The following DACH2 variants were observed in gnomAD, a reference collection of about 807,000 sequenced individuals.
DACH2 encodes the protein dachshund family transcription factor 2.
A neutral mutation model predicts 35.8 loss-of-function variants in DACH2; 17 were observed. The observed-to-expected ratio is 0.48, with a 90% CI of 0.33 to 0.71. The LOEUF (loss-of-function observed/expected upper bound fraction) is 0.71, where lower values mean the gene tolerates loss of function less well. DACH2 is among the 30% of genes least tolerant of loss of function. DACH2 has a pLI of 0.02. For synonymous variants in DACH2, 195 were observed against 177.3 expected (o/e 1.10, Z -0.79); for missense variants, 469 against 472.7 (o/e 0.99, Z 0.07).
chrX:86,160,700 T>C (rs150042923), intron 1 of DACH2: 25 of 482,014 alleles, frequency 5.2e-5, no homozygotes, highest in African/African-American at 4.3e-4. Flanking sequence ...GAAGCCCTCA[T>C]TGTTCCCAGG....
intron 2 of DACH2, among the ~76,000 whole-genome samples, chrX:86,399,189 G>T (rs1308100446): frequency 1.8e-5 from 2 of 111,654 alleles, no homozygotes; most frequent in Non-Finnish European, 3.8e-5. Flanking sequence ...TTTTATCAGA[G>T]ACTAGGATTG....
At chrX:86,191,824 C>A (rs1421809053) in intron 1 of DACH2, among the ~76,000 whole-genome samples, 1 of 110,007 alleles carries the variant, frequency 9.1e-6, no homozygotes, top group Non-Finnish European at 1.9e-5. Context: ...ACCTGTAATC[C>A]CAGCCACTTG....
chrX:86,622,998 A>G (rs1311397592), intron 3 of DACH2, among the ~76,000 whole-genome samples: 2 of 111,800 alleles, frequency 1.8e-5, no homozygotes, highest in Non-Finnish European at 3.8e-5. Flanking sequence ...TCTTTATATC[A>G]CCTTTACTAA....
chrX:86,658,803 G>A (rs2040572709), intron 4 of DACH2, among the ~76,000 whole-genome samples: 1 of 111,307 alleles, frequency 9.0e-6, no homozygotes, highest in Admixed American at 9.6e-5. Context: ...CCATTTACTT[G>A]TAGAAATAAA....
chrX:86,366,198 A>G (rs1354166815), intron 1 of DACH2, among the ~76,000 whole-genome samples: 1 of 110,971 alleles, frequency 9.0e-6, no homozygotes, highest in East Asian at 2.9e-4. Context: ...TTGGCATTTT[A>G]AATGATGAAA....
chrX:86,801,957 A>G (rs2147337713), intron 7 of DACH2, among the ~76,000 whole-genome samples: 1 of 111,965 alleles, frequency 8.9e-6, no homozygotes, highest in Non-Finnish European at 1.9e-5. Flanking sequence ...CACAACCTCT[A>G]TATCTAGAAA....
intron 1 of DACH2, 128 bp downstream of exon 1, chrX:86,149,236 G>A: frequency 1.2e-6 from 1 of 825,028 alleles, no homozygotes; most frequent in Non-Finnish European, 1.6e-6. Context: ...TCTTCACGCT[G>A]TAAATCGGTG....
At chrX:86,333,115 G>A (rs912761544) in intron 1 of DACH2, among the ~76,000 whole-genome samples, 1 of 111,782 alleles carries the variant, frequency 8.9e-6, no homozygotes, top group Non-Finnish European at 1.9e-5. Flanking sequence ...ACGACTGTAT[G>A]ATTTAATGCT....
intron 2 of DACH2, among the ~76,000 whole-genome samples, chrX:86,431,599 A>G (rs964639066): frequency 8.9e-6 from 1 of 111,835 alleles, no homozygotes; most frequent in Admixed American, 9.6e-5. Context: ...TGGCATACAT[A>G]GAATGACTCA....
At chrX:86,194,009 T>C (rs2031906323) in intron 1 of DACH2, among the ~76,000 whole-genome samples, 1 of 110,703 alleles carries the variant, frequency 9.0e-6, no homozygotes, top group Admixed American at 9.8e-5. Context: ...CACATCATGT[T>C]GATATGATCT....
intron 1 of DACH2, among the ~76,000 whole-genome samples, chrX:86,202,604 T>C (rs1308591247): frequency 9.3e-6 from 1 of 107,572 alleles, no homozygotes; most frequent in East Asian, 2.8e-4. Flanking sequence ...CCCAGAGAAG[T>C]TGGCTACGCT....
intron 1 of DACH2, among the ~76,000 whole-genome samples, chrX:86,179,102 C>A (rs189218384): frequency 1.1e-3 from 127 of 111,402 alleles, no homozygotes; most frequent in Non-Finnish European, 2.0e-3. Flanking sequence ...GACACATGTA[C>A]CCTCCCAAGG....
chrX:86,616,407 C>G (rs1369685170), intron 3 of DACH2, among the ~76,000 whole-genome samples: 1 of 111,979 alleles, frequency 8.9e-6, no homozygotes, highest in Admixed American at 9.5e-5. Context: ...TAAGCTTTCC[C>G]TTTTCTCCAC....
At chrX:86,304,559 G>T (rs753522064) in intron 1 of DACH2, 2 of 155,613 alleles carry the variant, frequency 1.3e-5, no homozygotes, top group South Asian at 2.9e-4. Flanking sequence ...AAGAGCTTAC[G>T]ATAACCAGGC....
chrX:86,735,106 T>C (rs1436834843), intron 6 of DACH2, among the ~76,000 whole-genome samples: 3 of 111,656 alleles, frequency 2.7e-5, no homozygotes, highest in African/African-American at 9.7e-5. Context: ...GAAATCAATA[T>C]AATAAAATAT....
At chrX:86,210,113 C>G (rs1396267848) in intron 1 of DACH2, among the ~76,000 whole-genome samples, 2 of 111,679 alleles carry the variant, frequency 1.8e-5, no homozygotes, top group African/African-American at 6.5e-5. Flanking sequence ...TGCATAATTG[C>G]TGCCATGATA....
At chrX:86,515,655 T>C (rs890073112) in intron 3 of DACH2, among the ~76,000 whole-genome samples, 49 of 112,453 alleles carry the variant, frequency 4.4e-4, no homozygotes, top group African/African-American at 1.5e-3. Context: ...CTTTCCTTAC[T>C]GGCTGACATA....
chrX:86,157,750 T>C (rs756318255), intron 1 of DACH2, among the ~76,000 whole-genome samples: 1 of 111,846 alleles, frequency 8.9e-6, no homozygotes, highest in Admixed American at 9.5e-5. Flanking sequence ...CTAAAAAGTA[T>C]AGTACTATCA....
chrX:86,625,209 AGTGTGTGTGTGTGT>A (rs72281959), intron 3 of DACH2, among the ~76,000 whole-genome samples: 3,229 of 85,439 alleles, frequency 0.038, 151 homozygotes, highest in African/African-American at 0.11. Context: ...AAACCTTCTT[AGTGTGTGTGTGTGT>A]GTGTGTGTGT....
Sources: allele counts gnomAD v4.1 joint callset (sites outside exome capture counted in the v4.1 genomes callset), GRCh38; gene constraint gnomAD v4.1.1; transcripts MANE v1.5; gene names NCBI Gene and HGNC (gene_info 2026-07-23, HGNC 2026-07-21).